Variants in CAPN8 observed in about 807,000 individuals in gnomAD.
The protein encoded by CAPN8 is calpain 8, also known as calpain-8.
Under a neutral mutation model 80.9 loss-of-function variants are expected in CAPN8, and 87 were observed. That is an observed-to-expected ratio of 1.07 (90% CI 0.90 to 1.28). CAPN8 has a LOEUF of 1.28. CAPN8 is among the 50% of genes most tolerant of loss of function. The probability of loss-of-function intolerance (pLI) is 0.00; values close to 1 mark genes in which losing one functional copy is unlikely to be tolerated. For synonymous variants in CAPN8, 299 were observed against 273.8 expected (o/e 1.09, Z -0.91); for missense variants, 757 against 702.0 (o/e 1.08, Z -0.89).
At position 223,553,891 on chromosome 1, in the gene CAPN8, T is replaced by C. The variant is rs1656853464; in HGVS notation, c.1582A>G (p.Ser528Gly). 2.5e-6 allele frequency: 1 copy of C among 398,490 alleles called. No individual in the cohort carries two copies. Among genetic ancestry groups the C allele is most frequent in the African/African-American group, 2.1e-5 (1 of 48,630 alleles). The allele number at this position is 398,490 out of a possible 1,614,324, so 24.7% of individuals were successfully genotyped here. The part of the protein sequence containing the change: ...VAGNPYEPHP[S>G]EVDQEDDQFR... ...TGGTCATCTTCCTGATCCACCTCAC[T>C]GGGATGTGGCTAAAAAGAAGGACAT... The change falls in exon 14 of 21, where the codon AGT becomes GGT. Residue 528 changes from serine to glycine, a missense_variant. Physicochemically the swap from Ser to Gly is moderately conservative, Grantham distance 56. Transcript: ENST00000366872.
chr1:223,548,848 C>T (rs1434845989), intron 16 of CAPN8, among the ~76,000 whole-genome samples: 1 of 149,874 alleles, frequency 6.7e-6, no homozygotes, highest in Non-Finnish European at 1.5e-5. Flanking sequence ...TAACTCTAAA[C>T]TATCAGTAGT....
intron 2 of CAPN8, among the ~76,000 whole-genome samples, chr1:223,647,229 T>C (rs1407293881): frequency 1.3e-5 from 2 of 152,188 alleles, no homozygotes; most frequent in African/African-American, 4.8e-5. Context: ...TTCCTGTGCA[T>C]TGTGATAGAA....
chr1:223,639,751 T>C (rs1260469620), intron 2 of CAPN8, among the ~76,000 whole-genome samples: 1 of 152,258 alleles, frequency 6.6e-6, no homozygotes, highest in East Asian at 1.9e-4. Flanking sequence ...AGTTTTTCCT[T>C]TAACATTTCC....
chr1:223,643,153 G>A (rs1418378501), intron 2 of CAPN8, among the ~76,000 whole-genome samples: 1 of 152,162 alleles, frequency 6.6e-6, no homozygotes, highest in Non-Finnish European at 1.5e-5. Flanking sequence ...GAAAAGATGA[G>A]CACTGAGATG....
chr1:223,652,712 C>T (rs937972078), intron 2 of CAPN8, among the ~76,000 whole-genome samples: 7 of 152,100 alleles, frequency 4.6e-5, no homozygotes, highest in African/African-American at 1.7e-4. Context: ...GCACCTGGCT[C>T]CTTTCAGGAG....
At chr1:223,657,683 C>T (rs781526639) in intron 1 of CAPN8, among the ~76,000 whole-genome samples, 7 of 152,202 alleles carry the variant, frequency 4.6e-5, no homozygotes, top group East Asian at 1.9e-4. Context: ...AAGAGAATCA[C>T]TTGAACCCGG....
chr1:223,614,230 T>C (rs1184530566), intron 10 of CAPN8, among the ~76,000 whole-genome samples: 3 of 152,122 alleles, frequency 2.0e-5, no homozygotes, highest in Non-Finnish European at 4.4e-5. Flanking sequence ...TGAAACCCCA[T>C]CTCTACTAAA....
Position 223,646,253 on chromosome 1 carries a change from A to G in CAPN8, c.307+8077T>C, listed in dbSNP as rs960885387. ...CATGGCCTCTTAGAAGAAGGGTATC[A>G]CCTGTCCTTTCTCTCGTGAGTAGGT... On this transcript the variant is annotated intron_variant, in intron 2 of 20. Transcript: ENST00000366872. Among the ~76,000 whole-genome samples, 5 of 152,224 alleles carry G rather than the reference A, an allele frequency of 3.3e-5. No individual in the cohort carries two copies. In the East Asian group the frequency reaches 9.6e-4, roughly 29 times the overall value.
rs567689385 is a variant in CAPN8, at chr1:223,643,819, G to A, written c.307+10511C>T. Among the ~76,000 whole-genome samples the A allele has an allele frequency of 5.9e-5, 9 of 152,300 alleles. No homozygotes were observed. The South Asian group carries it at 1.2e-3, about 21-fold the overall frequency. Reference sequence around the variant, plus strand: ...AGGGTCCGCACCATAATTCAGGCCCGGTGGGGGCTTGATGTAGACTGAAGA... The same window carrying A: ...AGGGTCCGCACCATAATTCAGGCCCAGTGGGGGCTTGATGTAGACTGAAGA... On this transcript the variant is annotated intron_variant, in intron 2 of 20. Coordinates refer to ENST00000366872, the MANE Select transcript of CAPN8 (RefSeq NM_001143962.2).
chr1:223,631,718 G>C (rs753869850), intron 2 of CAPN8, among the ~76,000 whole-genome samples: 1 of 152,186 alleles, frequency 6.6e-6, no homozygotes, highest in Non-Finnish European at 1.5e-5. Flanking sequence ...GTGGGGAAGT[G>C]GCATTCAACA....
In CAPN8 at chr1:223,628,713, G is replaced by T. The variant is rs544425818; in HGVS notation, c.375C>A (p.Val125=). The T allele has an allele frequency of 3.0e-5, 47 of 1,551,932 alleles. No homozygotes were observed. In the Middle Eastern group the frequency reaches 5.0e-4, roughly 17 times the overall value. The change falls in exon 3 of 21, where the codon GTC becomes GTA. Residue 125 remains valine (V), a synonymous_variant. Coordinates refer to ENST00000366872, the MANE Select transcript of CAPN8 (RefSeq NM_001143962.2). ...TLNEELLYRV[V]PRDQDFQENY... The stretch of plus-strand genomic sequence containing the variant: ...TCTCCTGGAAGTCCTGGTCCCTGGG[G>T]ACCACCCGGTAAAGCAGCTCTTCAT...
chr1:223,655,280 A>G (rs68072917), intron 1 of CAPN8, among the ~76,000 whole-genome samples: 29,434 of 152,074 alleles, frequency 0.19, 3,188 homozygotes, highest in East Asian at 0.29. Context: ...CTGAGATGAG[A>G]ATTCATCTCT....
intron 2 of CAPN8, among the ~76,000 whole-genome samples, chr1:223,647,130 G>GTC (rs1658213386): frequency 6.6e-6 from 1 of 152,154 alleles, no homozygotes; most frequent in Non-Finnish European, 1.5e-5. Flanking sequence ...GGTGACACTG[G>GTC]AGAACACTGA....
intron 6 of CAPN8, among the ~76,000 whole-genome samples, chr1:223,625,557 A>T (rs1001588263): frequency 6.6e-5 from 10 of 152,114 alleles, no homozygotes; most frequent in African/African-American, 2.4e-4. Context: ...TCAGCCTCCC[A>T]AAGTGCTGGG....
intron 2 of CAPN8, among the ~76,000 whole-genome samples, chr1:223,646,847 T>C (rs1008960785): frequency 2.6e-5 from 4 of 152,094 alleles, no homozygotes; most frequent in Non-Finnish European, 5.9e-5. Context: ...CTGGGGTCTG[T>C]GAAAGGTGTT....
rs1050439203 is a variant in CAPN8 at position 223,616,074 on chromosome 1, C to T, written c.1207G>A (p.Gly403Ser). The T allele has an allele frequency of 1.9e-5, 30 of 1,552,038 alleles. No homozygotes were observed. Among genetic ancestry groups the T allele is most frequent in the East Asian group, 1.2e-4 (5 of 40,940 alleles). The change falls in exon 10 of 21, where the codon GGT (glycine) becomes AGT (serine). Residue 403 changes from glycine to serine, a missense_variant. Transcript: ENST00000366872. ...AGCAGCACTGTACAGCAGGGTTCAC[C>T]GATGCTCTCCTCCTGGTCCTCATCC... ...EVDEDQEESI[G>S]EPCCTVLLGL...
intron 16 of CAPN8, among the ~76,000 whole-genome samples, chr1:223,546,159 T>C (rs1240264329): frequency 2.0e-5 from 3 of 152,116 alleles, no homozygotes; most frequent in African/African-American, 7.2e-5. Context: ...AATGCACTTA[T>C]GCTCCTAAAG....
intron 16 of CAPN8, among the ~76,000 whole-genome samples, chr1:223,548,868 C>G (rs1188340852): frequency 7.0e-6 from 1 of 143,874 alleles, no homozygotes; most frequent in Non-Finnish European, 1.5e-5. Context: ...TAGCTGTCCA[C>G]AAGCCATGTT....
Position 223,544,147 on chromosome 1 carries a change from G to T in CAPN8, c.1949C>A (p.Ala650Asp). The T allele has an allele frequency of 1.4e-6, 1 of 718,292 alleles. No individual in the cohort carries two copies. Among genetic ancestry groups the T allele is most frequent in the Non-Finnish European group, 2.6e-6 (1 of 385,108 alleles). The allele number at this position is 718,292 out of a possible 1,614,324, so 44.5% of individuals were successfully genotyped here. Residue 650 changes from alanine to aspartate, a missense_variant, in exon 19 of 21, where the codon GCC becomes GAC. By Grantham distance (126) the Ala-to-Asp change is moderately radical. Coordinates refer to ENST00000366872, the MANE Select transcript of CAPN8 (RefSeq NM_001143962.2). Reference sequence around the variant, plus strand: ...AAGCTTGCTGCACGCATACCGCAGGGCAATGGTCTGCTGCACCTGGCTGTT... The same window carrying T: ...AAGCTTGCTGCACGCATACCGCAGGTCAATGGTCTGCTGCACCTGGCTGTT... ...TLNSQVQQTI[A>D]LRYACSKLGI...
Sources: allele counts gnomAD v4.1 joint callset (sites outside exome capture counted in the v4.1 genomes callset), GRCh38; gene constraint gnomAD v4.1.1; transcripts MANE v1.5; gene names NCBI Gene and HGNC (gene_info 2026-07-23, HGNC 2026-07-21).